MCM3AP: variants seen among roughly 807,000 people sequenced by gnomAD.
The protein encoded by MCM3AP is germinal-center associated nuclear protein.
In MCM3AP, 126 loss-of-function variants were observed where a neutral mutation model predicts 184.1. The observed-to-expected ratio is 0.68, with a 90% CI of 0.59 to 0.79. The LOEUF (loss-of-function observed/expected upper bound fraction) is 0.79, where lower values mean the gene tolerates loss of function less well. Ranked by LOEUF, MCM3AP falls within the 30% of genes least tolerant of loss-of-function variation. The pLI is 0.00. For missense variants in MCM3AP, 2,496 were observed against 2,479.2 expected (o/e 1.01, Z -0.14); for synonymous variants, 1,002 against 979.3 (o/e 1.02, Z -0.43).
chr21:46,244,486 G>T (rs992489472), intron 23 of MCM3AP: 5 of 360,192 alleles, frequency 1.4e-5, no homozygotes, highest in Admixed American at 4.4e-5. Flanking sequence ...GGGACCCTGT[G>T]GGCAGGCAGG....
chr21:46,251,390 C>T (rs910825031), intron 20 of MCM3AP, 139 bp downstream of exon 20: 3 of 657,924 alleles, frequency 4.6e-6, no homozygotes, highest in African/African-American at 1.8e-5. Context: ...TACGGACAGA[C>T]ATAATACTTG....
intron 26 of MCM3AP, among the ~76,000 whole-genome samples, chr21:46,240,081 G>A (rs1383941990): frequency 6.6e-6 from 1 of 152,190 alleles, no homozygotes; most frequent in East Asian, 1.9e-4. Context: ...ATGTCTGTGT[G>A]CTGCTGATGG....
chr21:46,242,662 G>C (rs78898989), intron 25 of MCM3AP, 140 bp downstream of exon 25: 21 of 774,576 alleles, frequency 2.7e-5, no homozygotes, highest in Middle Eastern at 2.4e-4. Flanking sequence ...CTACTGCATG[G>C]GAATGATCTG....
At chr21:46,281,901 GGGA>G (rs1308416318) in intron 2 of MCM3AP, among the ~76,000 whole-genome samples, 2 of 152,146 alleles carry the variant, frequency 1.3e-5, no homozygotes, top group East Asian at 3.8e-4. Context: ...GGGAGGCTGA[GGGA>G]GGAGAATCGC....
intron 17 of MCM3AP, 76 bp from the exon 18 acceptor site, chr21:46,254,920 A>C: frequency 9.8e-7 from 1 of 1,017,966 alleles, no homozygotes; most frequent in Non-Finnish European, 1.6e-6. Context: ...CCTGGGGAAT[A>C]CTCAGGAGAC....
chr21:46,252,885 G>A (rs2080894895), intron 19 of MCM3AP: 1 of 152,206 alleles, frequency 6.6e-6, no homozygotes, highest in South Asian at 2.1e-4. Flanking sequence ...GCTCACGCCT[G>A]TAATCCCAAA....
chr21:46,273,374 G>A lies in MCM3AP; in HGVS notation c.2196+14C>T, dbSNP rs938722601. On this transcript the variant is annotated intron_variant, in intron 7 of 27. Transcript: ENST00000291688. ...CGTGGATTTTTTAGCATCCAGGTTG[G>A]AGGCAGCCAATACCTTCCGTATGCC... The A allele has an allele frequency of 2.5e-6, 4 of 1,610,918 alleles. No homozygotes were observed. The African/African-American group carries it at 4.0e-5, about 16-fold the overall frequency.
intron 16 of MCM3AP, among the ~76,000 whole-genome samples, chr21:46,257,634 G>T (rs1173601920): frequency 6.6e-6 from 1 of 151,014 alleles, no homozygotes; most frequent in Non-Finnish European, 1.5e-5. Context: ...GCTAAAAAGA[G>T]CTACGTCCAG....
intron 2 of MCM3AP, 92 bp from the exon 3 acceptor site, chr21:46,280,667 C>T: frequency 1.2e-6 from 1 of 800,454 alleles, no homozygotes; most frequent in Non-Finnish European, 2.1e-6. Flanking sequence ...CACAACAGAC[C>T]ATTCAAAGGC....
intron 8 of MCM3AP, among the ~76,000 whole-genome samples, chr21:46,270,939 T>C (rs1007865580): frequency 6.6e-6 from 1 of 152,198 alleles, no homozygotes; most frequent in Non-Finnish European, 1.5e-5. Flanking sequence ...CAATAATGAA[T>C]AGAATAAACA....
At chr21:46,265,266 C>T (rs1177932296) in intron 12 of MCM3AP, 55 bp downstream of exon 12, 13 of 1,543,748 alleles carry the variant, frequency 8.4e-6, no homozygotes, top group South Asian at 4.5e-5. Context: ...TGACTAAGGA[C>T]GTTTGCGCAC....
chr21:46,266,283 A>T (rs112398685), intron 10 of MCM3AP, 117 bp from the exon 11 acceptor site: 5 of 1,165,372 alleles, frequency 4.3e-6, no homozygotes, highest in African/African-American at 1.5e-5. Context: ...ATGTGTAAAT[A>T]ACAGAAAGCA....
chr21:46,263,104 C>G (rs538546017), intron 13 of MCM3AP, among the ~76,000 whole-genome samples: 1 of 148,636 alleles, frequency 6.7e-6, no homozygotes, highest in African/African-American at 2.5e-5. Context: ...CCAAGGCGGG[C>G]GGATCACGAG....
intron 8 of MCM3AP, 143 bp downstream of exon 8, chr21:46,272,418 C>A: frequency 1.1e-6 from 1 of 877,922 alleles, no homozygotes; most frequent in Non-Finnish European, 1.7e-6. Context: ...CAAAGCCAGA[C>A]CAAGGTCCTC....
intron 10 of MCM3AP, chr21:46,266,635 G>C: frequency 3.4e-6 from 1 of 294,602 alleles, no homozygotes; most frequent in South Asian, 5.0e-5. Flanking sequence ...GCTGGCCTGC[G>C]GGTGCCTCCA....
chr21:46,271,969 G>A (rs2081186258), intron 8 of MCM3AP, among the ~76,000 whole-genome samples: 1 of 151,750 alleles, frequency 6.6e-6, no homozygotes, highest in Admixed American at 6.6e-5. Flanking sequence ...CCATTGATAG[G>A]GGATTCTTAG....
At chr21:46,269,780 G>A (rs2081157825) in intron 9 of MCM3AP, among the ~76,000 whole-genome samples, 1 of 152,208 alleles carries the variant, frequency 6.6e-6, no homozygotes, top group South Asian at 2.1e-4. Flanking sequence ...CGCGGTCCTG[G>A]TCACATTGCA....
intron 19 of MCM3AP, chr21:46,251,948 CA>C (rs1249428355): frequency 4.0e-6 from 1 of 250,310 alleles, no homozygotes; most frequent in African/African-American, 2.4e-5. Flanking sequence ...TGCAATGGCA[CA>C]AACTTGGCTC....
chr21:46,266,789 C>T, intron 10 of MCM3AP, 193 bp downstream of exon 10: 1 of 602,550 alleles, frequency 1.7e-6, no homozygotes, highest in Non-Finnish European at 2.9e-6. Flanking sequence ...TGGTCTGAGC[C>T]CTCAATGTGC....
Sources: gnomAD v4.1 joint callset for allele counts (sites outside exome capture counted in the v4.1 genomes callset) on GRCh38, gnomAD v4.1.1 for gene constraint, MANE v1.5 for transcripts, NCBI Gene and HGNC (gene_info 2026-07-23, HGNC 2026-07-21) for gene names.